The following RAB2A variants were observed in gnomAD, a reference collection of about 807,000 sequenced individuals.
RAB2A encodes ras-related protein Rab-2A.
RAB2A carries 7 observed loss-of-function variants against 32.5 expected under a neutral mutation model. The ratio of observed to expected loss-of-function variants is 0.22; its 90% confidence interval spans 0.12 to 0.40. The LOEUF (loss-of-function observed/expected upper bound fraction) is 0.40. Among genes scored for constraint, RAB2A ranks in the 10% least tolerant of loss-of-function variants. The pLI, the probability that RAB2A is intolerant of heterozygous loss-of-function variation, is 1.00. For synonymous variants in RAB2A, 79 were observed against 85.2 expected (o/e 0.93, Z 0.40); for missense variants, 108 against 260.7 (o/e 0.41, Z 4.03).
At chr8:60,530,534 C>A (rs568377597) in intron 1 of RAB2A, among the ~76,000 whole-genome samples, 32 of 152,228 alleles carry the variant, frequency 2.1e-4, no homozygotes, top group Non-Finnish European at 4.3e-4. Flanking sequence ...AGGTGATCCT[C>A]CCACCTCGGC....
chr8:60,583,778 T>C (rs1020467860), intron 3 of RAB2A, among the ~76,000 whole-genome samples: 7 of 152,220 alleles, frequency 4.6e-5, no homozygotes, highest in Non-Finnish European at 8.8e-5. Context: ...TTTATTCTAG[T>C]GTCAACAGCT....
At position 60,517,129 on chromosome 8, in the gene RAB2A, C is replaced by G. The variant is rs1024197834; in HGVS notation, c.-79C>G. ...CGGCGCCTGGCGTTTCGAGGCTGAG[C>G]GGCACCGGGGTTGGGGCGCGGAGGA... On this transcript the variant is annotated 5_prime_UTR_variant, in exon 1 of 8. Transcript: ENST00000262646. The G allele has an allele frequency of 1.9e-5, 26 of 1,388,536 alleles. No individual in the cohort carries two copies. In the East Asian group the frequency reaches 7.4e-4, roughly 39 times the overall value. The allele number at this position is 1,388,536 out of a possible 1,614,324, so 86.0% of individuals were successfully genotyped here.
intron 1 of RAB2A, among the ~76,000 whole-genome samples, chr8:60,521,377 A>G (rs1807300517): frequency 6.6e-6 from 1 of 152,190 alleles, no homozygotes; most frequent in Non-Finnish European, 1.5e-5. Context: ...GGAGCTAATA[A>G]CATAAAATGG....
At chr8:60,605,841 A>ATATATATATATATATATATATATATG in intron 6 of RAB2A, among the ~76,000 whole-genome samples, 1 of 139,504 alleles carries the variant, frequency 7.2e-6, no homozygotes, top group African/African-American at 3.1e-5. Flanking sequence ...ACATATATAC[A>ATATATATATATATATATATATATATG]TATATATATA....
chr8:60,602,950 ATCC>A (rs1804160488), intron 6 of RAB2A, among the ~76,000 whole-genome samples: 2 of 152,184 alleles, frequency 1.3e-5, no homozygotes, highest in African/African-American at 4.8e-5. Context: ...GACAGGATCT[ATCC>A]TCAGCTTGCT....
intron 6 of RAB2A, among the ~76,000 whole-genome samples, chr8:60,599,815 A>C (rs1247571907): frequency 1.4e-5 from 2 of 147,344 alleles, no homozygotes; most frequent in Non-Finnish European, 3.0e-5. Context: ...TTTATCTTTT[A>C]GGGGAAAAAA....
At chr8:60,574,840 G>A (rs1808246224) in intron 3 of RAB2A, among the ~76,000 whole-genome samples, 1 of 152,116 alleles carries the variant, frequency 6.6e-6, no homozygotes, top group Non-Finnish European at 1.5e-5. Flanking sequence ...ACCCTTGTTT[G>A]TGTTCCTCTA....
intron 6 of RAB2A, among the ~76,000 whole-genome samples, chr8:60,596,313 T>C (rs949011015): frequency 1.3e-5 from 2 of 152,162 alleles, no homozygotes; most frequent in Non-Finnish European, 1.5e-5. Context: ...CTAATTAAAC[T>C]GAAGAACTTC....
intron 2 of RAB2A, among the ~76,000 whole-genome samples, chr8:60,570,393 A>C (rs1808180253): frequency 6.6e-6 from 1 of 152,136 alleles, no homozygotes; most frequent in South Asian, 2.1e-4. Context: ...TTTGTGCTTC[A>C]GTATACTCCT....
chr8:60,587,336 C>T (rs1392025394), intron 5 of RAB2A, among the ~76,000 whole-genome samples: 2 of 152,104 alleles, frequency 1.3e-5, no homozygotes, highest in African/African-American at 2.4e-5. Context: ...TCAACTGTTA[C>T]ATTATACCAT....
rs200314323 is a variant in RAB2A, at chr8:60,539,034, G to GT, written c.47-19809dup. ...TAAAATTTTGTTTTAGAAATTGATA[G>GT]TTTTTTTTTCTTGAGATGTAGGCTA... On this transcript the variant is annotated intron_variant, in intron 1 of 7. Coordinates refer to ENST00000262646, the MANE Select transcript of RAB2A (RefSeq NM_002865.3). Among the ~76,000 whole-genome samples, 282 of 151,756 alleles carry GT rather than the reference G, an allele frequency of 1.9e-3. 1 individual carries two copies. Among genetic ancestry groups the GT allele is most frequent in the African/African-American group, 4.4e-3 (184 of 41,392 alleles).
intron 1 of RAB2A, among the ~76,000 whole-genome samples, chr8:60,545,807 C>T (rs1181241349): frequency 1.3e-5 from 2 of 152,094 alleles, no homozygotes; most frequent in Non-Finnish European, 2.9e-5. Flanking sequence ...GATATCCACA[C>T]CAGGCCTTAA....
At chr8:60,604,401 AC>A (rs1413514607) in intron 6 of RAB2A, among the ~76,000 whole-genome samples, 1 of 152,210 alleles carries the variant, frequency 6.6e-6, no homozygotes. Flanking sequence ...TTATAAAGAT[AC>A]CTCAAAATGT....
intron 3 of RAB2A, among the ~76,000 whole-genome samples, chr8:60,572,979 G>A (rs923250264): frequency 6.6e-6 from 1 of 152,176 alleles, no homozygotes; most frequent in Non-Finnish European, 1.5e-5. Context: ...AGTGATATCT[G>A]TCTGCTTAAT....
chr8:60,620,856 T>A lies in RAB2A; in HGVS notation c.*87T>A. ...CTCCTGCTCAGCTGAGACATGAAAC[T>A]ATTTGAAATGGCTTTATGTCACAGA... On this transcript the variant is annotated 3_prime_UTR_variant, in exon 8 of 8. Transcript: ENST00000262646. 1 of 1,098,068 alleles carries A rather than the reference T, an allele frequency of 9.1e-7. No individual in the cohort carries two copies. The highest frequency in any genetic ancestry group is 1.3e-6 in the Non-Finnish European group (1 of 772,586). The allele number at this position is 1,098,068 out of a possible 1,614,324, so 68.0% of individuals were successfully genotyped here. A position where few individuals can be genotyped will look rare whatever the true frequency, so the allele number is the denominator to read the frequency against.
rs1289845700 is a variant in RAB2A, at chr8:60,622,069, G to A, written c.*1300G>A. The A allele has an allele frequency of 6.6e-6, 1 of 151,708 alleles. No homozygotes were observed. The highest frequency in any genetic ancestry group is 1.5e-5 in the Non-Finnish European group (1 of 67,954). The allele number at this position is 151,708 out of a possible 1,614,324, so 9.4% of individuals were successfully genotyped here. On this transcript the variant is annotated 3_prime_UTR_variant, in exon 8 of 8. Coordinates refer to ENST00000262646, the MANE Select transcript of RAB2A (RefSeq NM_002865.3). ...TTAGTCCACTTACAGCTTTTACATGGGTTTAAGCATGTTTTTTAAAAGGGT... is the reference window on the plus strand; with the variant it reads ...TTAGTCCACTTACAGCTTTTACATGAGTTTAAGCATGTTTTTTAAAAGGGT...
At chr8:60,586,392 AAG>A (rs55740409) in intron 5 of RAB2A, among the ~76,000 whole-genome samples, 23,735 of 145,718 alleles carry the variant, frequency 0.16, 1,957 homozygotes, top group East Asian at 0.28. Flanking sequence ...TTAAAAAAAA[AAG>A]AGAGAGAGAA....
At chr8:60,587,043 A>G (rs1199625871) in intron 5 of RAB2A, among the ~76,000 whole-genome samples, 1 of 152,166 alleles carries the variant, frequency 6.6e-6, no homozygotes, top group South Asian at 2.1e-4. Flanking sequence ...GTTTATGTGC[A>G]AAGGCCACGG....
chr8:60,561,312 TC>T (rs1808022041), intron 2 of RAB2A, among the ~76,000 whole-genome samples: 1 of 152,246 alleles, frequency 6.6e-6, no homozygotes, highest in Non-Finnish European at 1.5e-5. Flanking sequence ...CCGTTTTTTT[TC>T]TTTCTAACTT....
Sources: allele counts gnomAD v4.1 joint callset (sites outside exome capture counted in the v4.1 genomes callset), GRCh38; gene constraint gnomAD v4.1.1; transcripts MANE v1.5; gene names NCBI Gene and HGNC (gene_info 2026-07-23, HGNC 2026-07-21).